Variants in TRMT9B observed in about 807,000 individuals in gnomAD.
The protein encoded by TRMT9B is tRNA methyltransferase 9B (putative).
In TRMT9B, 16 loss-of-function variants were observed where a neutral mutation model predicts 11.5. The ratio of observed to expected loss-of-function variants is 1.39; its 90% confidence interval spans 0.94 to 2.11. The LOEUF (loss-of-function observed/expected upper bound fraction) is 2.11, where lower values mean the gene tolerates loss of function less well. Among genes scored for constraint, TRMT9B ranks in the 30% most tolerant of loss-of-function variants. TRMT9B has a pLI of 0.00. For synonymous variants in TRMT9B, 274 were observed against 192.4 expected (o/e 1.42, Z -3.51); for missense variants, 941 against 553.8 (o/e 1.70, Z -7.02).
intron 2 of TRMT9B, among the ~76,000 whole-genome samples, chr8:12,992,789 A>T (rs1294434768): frequency 6.6e-6 from 1 of 152,052 alleles, no homozygotes; most frequent in Admixed American, 6.6e-5. Flanking sequence ...GAATTGCTTG[A>T]ATCTGGGAGG....
At chr8:12,957,277 A>G (rs1174627122) in intron 1 of TRMT9B, among the ~76,000 whole-genome samples, 1 of 152,208 alleles carries the variant, frequency 6.6e-6, no homozygotes, top group Admixed American at 6.5e-5. Context: ...TGTTCCCTTT[A>G]ACACAGAGCT....
At chr8:12,997,838 C>T (rs970440678) in intron 2 of TRMT9B, among the ~76,000 whole-genome samples, 13 of 152,134 alleles carry the variant, frequency 8.5e-5, no homozygotes, top group Non-Finnish European at 1.8e-4. Flanking sequence ...GTTTTCCAAA[C>T]AGATTGAAAC....
In TRMT9B at chr8:12,960,055, C is replaced by G. The variant is rs527876381; in HGVS notation, c.-200+14089C>G. 14 of 152,316 alleles carry G rather than the reference C, an allele frequency of 9.2e-5. No homozygotes were observed. The South Asian group carries it at 1.2e-3, about 14-fold the overall frequency. The allele number at this position is 152,316 out of a possible 1,614,324, so 9.4% of individuals were successfully genotyped here. On this transcript the variant is annotated intron_variant, in intron 1 of 4. Coordinates refer to ENST00000524591, the MANE Select transcript of TRMT9B (RefSeq NM_020844.3). ...TGGAAGTGGAGACATCAAATTGCAA[C>G]TCTTCATTGGAAGTTTTAAGTAACA...
intron 3 of TRMT9B, among the ~76,000 whole-genome samples, chr8:13,010,025 C>G (rs1811297054): frequency 6.6e-6 from 1 of 151,610 alleles, no homozygotes; most frequent in Non-Finnish European, 1.5e-5. Flanking sequence ...GTAGTCTCAG[C>G]TACTTGGGAG....
intron 1 of TRMT9B, among the ~76,000 whole-genome samples, chr8:12,963,907 T>C (rs1802472245): frequency 1.3e-5 from 2 of 152,354 alleles, no homozygotes. Flanking sequence ...ATATGGGTTC[T>C]AGTCCTTGCT....
In TRMT9B at chr8:13,012,668, G is replaced by T. The variant is rs770968807; in HGVS notation, c.155-16G>T. 6.2e-7 allele frequency: 1 copy of T among 1,600,746 alleles called. No homozygotes were observed. The highest frequency in any genetic ancestry group is 8.5e-7 in the Non-Finnish European group (1 of 1,172,032). On this transcript the variant is annotated splice_polypyrimidine_tract_variant and intron_variant, in intron 3 of 4. Transcript: ENST00000524591. ...TCCATTGAGGATAGCATGTAACGCA[G>T]GTTTTTCTCTTATAGGTTGTGGGAC...
rs929256755 is a variant in TRMT9B at position 13,023,140 on chromosome 8, A to G, written c.*1096A>G. The G allele has an allele frequency of 6.0e-6, 1 of 167,110 alleles. No homozygotes were observed. Among genetic ancestry groups the G allele is most frequent in the Non-Finnish European group, 1.5e-5 (1 of 68,126 alleles). The allele number at this position is 167,110 out of a possible 1,614,324, so 10.4% of individuals were successfully genotyped here. On this transcript the variant is annotated 3_prime_UTR_variant, in exon 5 of 5. Transcript: ENST00000524591. ...GATATTACTATTGCTTATTAGCAAG[A>G]TTGTTATCAATCATGCTTATTAGAA...
intron 3 of TRMT9B, among the ~76,000 whole-genome samples, chr8:13,007,910 G>A (rs1274365245): frequency 6.6e-6 from 1 of 152,002 alleles, no homozygotes; most frequent in African/African-American, 2.4e-5. Context: ...TATTCTCAGA[G>A]GCAAAATGCC....
intron 4 of TRMT9B, 49 bp from the exon 5 acceptor site, chr8:13,020,959 G>A: frequency 5.5e-6 from 7 of 1,264,312 alleles, no homozygotes; most frequent in Non-Finnish European, 7.6e-6. Context: ...ATACGTGTGT[G>A]GGTTTATGTG....
rs541806768 is a variant in TRMT9B at position 12,946,581 on chromosome 8, G to T, written c.-200+615G>T. On this transcript the variant is annotated intron_variant, in intron 1 of 4. Coordinates refer to ENST00000524591, the MANE Select transcript of TRMT9B (RefSeq NM_020844.3). ...GATGTCACCCTGGTGGAGATGTCAAGCAAGATGAGAGCATGGGATCTGCAG... is the reference window on the plus strand; with the variant it reads ...GATGTCACCCTGGTGGAGATGTCAATCAAGATGAGAGCATGGGATCTGCAG... 2.6e-5 allele frequency among the ~76,000 whole-genome samples: 4 copies of T among 152,310 alleles called. No individual in the cohort carries two copies. In the East Asian group the frequency reaches 7.7e-4, roughly 29 times the overall value.
chr8:12,992,132 G>A (rs1436604028), intron 2 of TRMT9B, among the ~76,000 whole-genome samples: 1 of 152,182 alleles, frequency 6.6e-6, no homozygotes, highest in African/African-American at 2.4e-5. Flanking sequence ...ACAGCTCCTT[G>A]ATTCATTGGA....
intron 1 of TRMT9B, among the ~76,000 whole-genome samples, chr8:12,973,661 GA>G (rs34721055): frequency 0.11 from 16,883 of 152,190 alleles, 933 homozygotes; most frequent in African/African-American, 0.12. Flanking sequence ...AGGGGTGGAT[GA>G]CATGGAACTG....
chr8:13,014,827 C>T (rs1238822575), intron 4 of TRMT9B, among the ~76,000 whole-genome samples: 3 of 152,006 alleles, frequency 2.0e-5, no homozygotes, highest in Admixed American at 6.6e-5. Context: ...CTTTGGGAGG[C>T]CAAGGTGGGT....
intron 3 of TRMT9B, among the ~76,000 whole-genome samples, chr8:13,008,066 G>C (rs1810835370): frequency 6.6e-6 from 1 of 152,144 alleles, no homozygotes; most frequent in African/African-American, 2.4e-5. Context: ...GTTGGATTAG[G>C]CTCCTGTAAG....
chr8:12,983,212 G>A (rs1426033048), intron 1 of TRMT9B, among the ~76,000 whole-genome samples: 4 of 152,208 alleles, frequency 2.6e-5, no homozygotes, highest in Admixed American at 2.6e-4. Flanking sequence ...AAAAGTGCCT[G>A]TCGATGGCAT....
chr8:12,952,983 C>T (rs1011432081), intron 1 of TRMT9B, among the ~76,000 whole-genome samples: 6 of 152,160 alleles, frequency 3.9e-5, no homozygotes, highest in Non-Finnish European at 8.8e-5. Flanking sequence ...CGTGATCCGC[C>T]TGCCTCGGCC....
rs557254101 is a variant in TRMT9B, at chr8:12,987,639, C to G, written c.-199-3195C>G. 3.3e-5 allele frequency among the ~76,000 whole-genome samples: 5 copies of G among 152,176 alleles called. No individual in the cohort carries two copies. The South Asian group carries it at 8.3e-4, about 25-fold the overall frequency. On this transcript the variant is annotated intron_variant, in intron 1 of 4. Coordinates refer to ENST00000524591, the MANE Select transcript of TRMT9B (RefSeq NM_020844.3). ...CCTGGGAGGTCAAGGCTGCAGTGAG[C>G]TACGATGGTGCCACTGCACTCCAGC... is the stretch of plus-strand genomic sequence containing the variant.
chr8:12,999,056 TTTGG>T, intron 2 of TRMT9B, among the ~76,000 whole-genome samples: 1 of 152,050 alleles, frequency 6.6e-6, no homozygotes, highest in East Asian at 1.9e-4. Flanking sequence ...ATCCTAGCAC[TTTGG>T]TAGGCCAAGG....
At chr8:13,016,948 A>C (rs1051115919) in intron 4 of TRMT9B, among the ~76,000 whole-genome samples, 2 of 151,210 alleles carry the variant, frequency 1.3e-5, no homozygotes, top group Non-Finnish European at 2.9e-5. Flanking sequence ...AATATGGTGA[A>C]ACCCCATCTG....
Sources: allele counts gnomAD v4.1 joint callset (sites outside exome capture counted in the v4.1 genomes callset), GRCh38; gene constraint gnomAD v4.1.1; transcripts MANE v1.5; gene names NCBI Gene and HGNC (gene_info 2026-07-23, HGNC 2026-07-21).